MDN1: variants seen among roughly 807,000 people sequenced by gnomAD.
The protein encoded by MDN1 is midasin.
Under a neutral mutation model 669.2 loss-of-function variants are expected in MDN1, and 266 were observed. The ratio of observed to expected loss-of-function variants is 0.40; its 90% confidence interval spans 0.36 to 0.44. The LOEUF is 0.44. Among genes scored for constraint, MDN1 ranks in the 20% least tolerant of loss-of-function variants. MDN1 has a pLI of 1.00. For synonymous variants in MDN1, 2,385 were observed against 2,457.1 expected, an observed-to-expected ratio of 0.97 and a Z score of 0.87; for missense variants, 5,940 against 6,754.0, an observed-to-expected ratio of 0.88 and a Z score of 4.22.
intron 30 of MDN1, 39 bp downstream of exon 30, chr6:89,743,537 G>GTT (rs3215598): frequency 1.3e-6 from 2 of 1,599,604 alleles, no homozygotes; most frequent in East Asian, 2.2e-5. Flanking sequence ...GCTAACTGCA[G>GTT]TTTTTTAAAA....
At chr6:89,684,016 C>G in intron 71 of MDN1, 112 bp from the exon 72 acceptor site, 2 of 796,480 alleles carry the variant, frequency 2.5e-6, no homozygotes, top group African/African-American at 3.4e-5. Flanking sequence ...AAACACAGGA[C>G]TGTGTGTCAG....
chr6:89,740,746 C>A (rs972606728), intron 31 of MDN1, among the ~76,000 whole-genome samples: 1 of 152,038 alleles, frequency 6.6e-6, no homozygotes, highest in African/African-American at 2.4e-5. Flanking sequence ...CAATACTATT[C>A]GGGACAAAAA....
At chr6:89,734,984 G>A (rs1020818573) in intron 33 of MDN1, among the ~76,000 whole-genome samples, 5 of 150,682 alleles carry the variant, frequency 3.3e-5, no homozygotes, top group South Asian at 4.2e-4. Flanking sequence ...TCCACCTCTC[G>A]GGTTCAAGCG....
chr6:89,798,424 C>A (rs1819729960), intron 2 of MDN1, among the ~76,000 whole-genome samples: 1 of 151,834 alleles, frequency 6.6e-6, no homozygotes. Flanking sequence ...ATCACTTGAA[C>A]CTGGGAGGCG....
At position 89,803,395 on chromosome 6, in the gene MDN1, G is replaced by C. The variant is rs962081304; in HGVS notation, c.262C>G (p.His88Asp). The change falls in exon 2 of 102, where the codon CAT (histidine) becomes GAT (aspartate). Residue 88 changes from histidine to aspartate, a missense_variant. Transcript: ENST00000369393. Reference sequence around the variant, plus strand: ...ACACATAGCCGTTCATGCAGATCATGGTTGATTTGGCCTCCAGCTTTAATG... The same window carrying C: ...ACACATAGCCGTTCATGCAGATCATCGTTGATTTGGCCTCCAGCTTTAATG... ...EAIKAGGQIN[H>D]DLHERLCVSM... is the part of the protein sequence containing the mutation. The C allele has an allele frequency of 6.8e-6, 11 of 1,613,964 alleles. No individual in the cohort carries two copies. The highest frequency in any genetic ancestry group is 9.3e-6 in the Non-Finnish European group (11 of 1,180,036).
At chr6:89,661,627 T>C in intron 87 of MDN1, 49 bp from the exon 88 acceptor site, 2 of 1,522,630 alleles carry the variant, frequency 1.3e-6, no homozygotes, top group Non-Finnish European at 1.8e-6. Flanking sequence ...ACAAATATTT[T>C]TTTAAAAAGT....
At chr6:89,815,518 A>C (rs564948530) in intron 1 of MDN1, 1 of 254,408 alleles carries the variant, frequency 3.9e-6, no homozygotes, top group African/African-American at 2.3e-5. Flanking sequence ...ACTGCTAACA[A>C]AGACCTGACT....
intron 19 of MDN1, 41 bp from the exon 20 acceptor site, chr6:89,756,431 T>G (rs746880589): frequency 1.1e-5 from 10 of 947,274 alleles, no homozygotes; most frequent in Non-Finnish European, 1.6e-5. Flanking sequence ...AGGAAGTTAA[T>G]ATAACTATGT....
intron 76 of MDN1, 122 bp from the exon 77 acceptor site, chr6:89,676,329 T>C (rs1811188770): frequency 3.9e-6 from 3 of 778,214 alleles, no homozygotes; most frequent in Non-Finnish European, 6.5e-6. Context: ...ATAGGTTTAT[T>C]TCTATGAGGA....
intron 31 of MDN1, 125 bp from the exon 32 acceptor site, chr6:89,740,503 G>T: frequency 1.1e-6 from 1 of 909,340 alleles, no homozygotes; most frequent in Non-Finnish European, 1.5e-6. Context: ...TTTAGTTAAT[G>T]GTTTCCTATC....
intron 53 of MDN1, among the ~76,000 whole-genome samples, chr6:89,702,938 CTTTT>C (rs35611812): frequency 5.7e-5 from 8 of 140,362 alleles, no homozygotes; most frequent in Non-Finnish European, 1.2e-4. Context: ...GGTAAAGGCC[CTTTT>C]TTTTTTTTTT....
At chr6:89,703,913 T>A (rs188536124) in intron 53 of MDN1, among the ~76,000 whole-genome samples, 1 of 149,244 alleles carries the variant, frequency 6.7e-6, no homozygotes, top group East Asian at 2.0e-4. Flanking sequence ...CTTGGGAGGC[T>A]GAAGCAGGAG....
At position 89,745,284 on chromosome 6, in the gene MDN1, A is replaced by G. The variant is rs778214708; in HGVS notation, c.4167T>C (p.Val1389=). 6.2e-7 allele frequency: 1 copy of G among 1,613,934 alleles called. No homozygotes were observed. The highest frequency in any genetic ancestry group is 1.1e-5 in the South Asian group (1 of 91,070). ...ALEFGEPVLL[V]GDTGCGKTTI... Reference sequence around the variant, plus strand: ...TCACAGATCTTTACCCAGTGTCTCCAACCAGCAGCACAGGTTCACCAAATT... The same window carrying G: ...TCACAGATCTTTACCCAGTGTCTCCGACCAGCAGCACAGGTTCACCAAATT... The change falls in exon 29 of 102, where the codon GTT becomes GTC. Residue 1389 remains valine (V), a synonymous_variant. Transcript: ENST00000369393.
At chr6:89,814,230 C>T (rs1280646230) in intron 1 of MDN1, among the ~76,000 whole-genome samples, 1 of 152,122 alleles carries the variant, frequency 6.6e-6, no homozygotes, top group Non-Finnish European at 1.5e-5. Flanking sequence ...TCATTATACT[C>T]TCTTCCCTTC....
In MDN1 at chr6:89,664,509, A is replaced by G. The variant is rs1810040428; in HGVS notation, c.14214T>C (p.His4738=). 6.2e-7 allele frequency: 1 copy of G among 1,613,922 alleles called. No individual in the cohort carries two copies. The highest frequency in any genetic ancestry group is 1.1e-5 in the South Asian group (1 of 91,018). The change falls in exon 85 of 102, where the codon CAT becomes CAC. Residue 4738 remains histidine (H), a synonymous_variant. Coordinates refer to ENST00000369393, the MANE Select transcript of MDN1 (RefSeq NM_014611.3). Reference sequence around the variant, plus strand: ...AACCTTGTTCTTCAAGCTCCCCATCATGCATTTTCCCATCAAAATCTTCCG... The same window carrying G: ...AACCTTGTTCTTCAAGCTCCCCATCGTGCATTTTCCCATCAAAATCTTCCG... The part of the protein sequence containing the change: ...EMSEDFDGKM[H]DGELEEQEED...
At chr6:89,785,737 T>C (rs7749108) in intron 8 of MDN1, among the ~76,000 whole-genome samples, 28,131 of 151,970 alleles carry the variant, frequency 0.19, 2,675 homozygotes, top group East Asian at 0.22. Flanking sequence ...GAACTGAAAA[T>C]TGAATTCAAG....
At position 89,722,940 on chromosome 6, in the gene MDN1, A is replaced by G; in HGVS notation, c.5967+15T>C. On this transcript the variant is annotated intron_variant, in intron 40 of 101. Transcript: ENST00000369393. ...TCAGATGGAAAGAAATACAAATACC[A>G]AGCGTGAAACTCACCTTTTTTTTGT... is the stretch of plus-strand genomic sequence containing the variant. The G allele has an allele frequency of 6.3e-7, 1 of 1,596,658 alleles. No homozygotes were observed. Among genetic ancestry groups the G allele is most frequent in the South Asian group, 1.1e-5 (1 of 89,006 alleles).
At chr6:89,789,436 A>T (rs143455173) in intron 7 of MDN1, among the ~76,000 whole-genome samples, 15 of 152,318 alleles carry the variant, frequency 9.8e-5, no homozygotes, top group African/African-American at 3.6e-4. Flanking sequence ...CTCAATGTAC[A>T]TGTAACATGG....
At position 89,715,842 on chromosome 6, in the gene MDN1, GCTC is replaced by G. The variant is rs1460063651; in HGVS notation, c.6744-76_6744-74del. On this transcript the variant is annotated intron_variant, in intron 44 of 101. Coordinates refer to ENST00000369393, the MANE Select transcript of MDN1 (RefSeq NM_014611.3). ...ACTCTTCTTTCCTTCCATGCACGGG[GCTC>G]CAAATGCTTTTGACTCACATTTCCT... 1.3e-5 allele frequency: 12 copies of G among 941,244 alleles called. No individual in the cohort carries two copies. In the Admixed American group the frequency reaches 1.9e-4, roughly 15 times the overall value. The allele number at this position is 941,244 out of a possible 1,614,324, so 58.3% of individuals were successfully genotyped here.
Sources: allele counts gnomAD v4.1 joint callset (sites outside exome capture counted in the v4.1 genomes callset), GRCh38; gene constraint gnomAD v4.1.1; transcripts MANE v1.5; gene names NCBI Gene and HGNC (gene_info 2026-07-23, HGNC 2026-07-21).